Variants in VDR observed in about 807,000 individuals in gnomAD.
VDR encodes vitamin D receptor.
Under a neutral mutation model 39.7 loss-of-function variants are expected in VDR, and 19 were observed. The ratio of observed to expected loss-of-function variants is 0.48; its 90% CI spans 0.33 to 0.70. VDR has a LOEUF of 0.70. VDR is among the 30% of genes least tolerant of loss of function. The pLI, the probability that VDR is intolerant of heterozygous loss-of-function variation, is 0.02. For synonymous variants in VDR, 242 were observed against 215.8 expected (o/e 1.12, Z -1.07); for missense variants, 442 against 570.5 (o/e 0.77, Z 2.29).
intron 3 of VDR, among the ~76,000 whole-genome samples, chr12:47,871,326 C>CTTTCTTTCTTTCTT (rs1945865942): frequency 7.0e-6 from 1 of 143,822 alleles, no homozygotes; most frequent in Non-Finnish European, 1.5e-5. Flanking sequence ...TTCTTTCTTT[C>CTTTCTTTCTTTCTT]TTTCTTTCTT....
chr12:47,849,369 G>A (rs1945341168), intron 7 of VDR, among the ~76,000 whole-genome samples: 1 of 152,140 alleles, frequency 6.6e-6, no homozygotes, highest in Admixed American at 6.5e-5. Context: ...CATAACCTCT[G>A]CAGGACTCTC....
At chr12:47,879,768 C>G (rs373664977) in intron 2 of VDR, among the ~76,000 whole-genome samples, 12 of 152,326 alleles carry the variant, frequency 7.9e-5, no homozygotes, top group South Asian at 4.1e-4. Context: ...ATTTCCCCCC[C>G]CTTTTTTTGG....
chr12:47,884,302 T>C (rs1447398076), intron 1 of VDR, among the ~76,000 whole-genome samples: 2 of 152,196 alleles, frequency 1.3e-5, no homozygotes, highest in Non-Finnish European at 2.9e-5. Flanking sequence ...AAGCTCTGCA[T>C]ACATTATTTC....
chr12:47,876,850 A>G (rs1946018069), intron 3 of VDR, among the ~76,000 whole-genome samples: 2 of 152,186 alleles, frequency 1.3e-5, no homozygotes, highest in Admixed American at 6.5e-5. Flanking sequence ...CCAGTGAGGA[A>G]CTGGCCTCCA....
At chr12:47,887,322 C>CAAAAAAAAAAAAAA (rs10686139) in intron 1 of VDR, among the ~76,000 whole-genome samples, 1 of 72,106 alleles carries the variant, frequency 1.4e-5, no homozygotes, top group Non-Finnish European at 2.5e-5. Flanking sequence ...AACTCCGTCT[C>CAAAAAAAAAAAAAA]AAAAAAAAAA....
rs1162881183 is a variant in VDR, at chr12:47,848,555, C to CTTTTTTTTTT, written c.756-1757_756-1748dup. The stretch of plus-strand genomic sequence containing the variant: ...CTCTTTACATGCTTGTTTTCTACTC[C>CTTTTTTTTTT]TTTTTTTTTTTTTTTTTTTTTTTTT... On this transcript the variant is annotated intron_variant, in intron 7 of 9. Transcript: ENST00000549336. Among the ~76,000 whole-genome samples the CTTTTTTTTTT allele has an allele frequency of 2.4e-4, 14 of 58,162 alleles. 2 individuals carry two copies. The highest frequency in any genetic ancestry group is 3.1e-4 in the African/African-American group (4 of 12,776). The allele number at this position is 58,162 out of a possible 152,430, so 38.2% of individuals were successfully genotyped here.
At chr12:47,876,015 T>C (rs7974353) in intron 3 of VDR, among the ~76,000 whole-genome samples, 128,505 of 152,138 alleles carry the variant, frequency 0.84, 54,437 homozygotes, top group East Asian at 0.97. Context: ...AAGTCACCAA[T>C]AAAAATCAAA....
At chr12:47,899,524 C>A (rs1186431512) in intron 1 of VDR, among the ~76,000 whole-genome samples, 2 of 152,250 alleles carry the variant, frequency 1.3e-5, no homozygotes, top group Non-Finnish European at 2.9e-5. Context: ...AAGATTTGAA[C>A]CCAAGAGTCT....
At chr12:47,903,621 C>T (rs1216233643) in intron 1 of VDR, among the ~76,000 whole-genome samples, 1 of 152,218 alleles carries the variant, frequency 6.6e-6, no homozygotes, top group Non-Finnish European at 1.5e-5. Context: ...CACCCTCACT[C>T]CCTAGCCTGA....
rs371705410 is a variant in VDR, at chr12:47,846,763, G to A, written c.801C>T (p.Ala267=). 2.5e-6 allele frequency: 4 copies of A among 1,614,090 alleles called. No individual in the cohort carries two copies. Among genetic ancestry groups the A allele is most frequent in the Non-Finnish European group, 3.4e-6 (4 of 1,180,048 alleles). Residue 267 remains alanine (A), a synonymous_variant, in exon 8 of 10, where the codon GCC becomes GCT. Transcript: ENST00000549336. ...TGGAGCGCAACATGATGACCTCAAT[G>A]GCACTTGACTTCAGCAGTACGATCT... is the stretch of plus-strand genomic sequence containing the variant. The part of the protein sequence containing the change: ...EDQIVLLKSS[A]IEVIMLRSNE...
chr12:47,896,942 C>G (rs908996041), intron 1 of VDR: 1 of 152,290 alleles, frequency 6.6e-6, no homozygotes, highest in Non-Finnish European at 1.5e-5. Flanking sequence ...CCCATTCACC[C>G]TCGTACCACC....
At chr12:47,901,999 G>C (rs985227029) in intron 1 of VDR, among the ~76,000 whole-genome samples, 7 of 152,160 alleles carry the variant, frequency 4.6e-5, no homozygotes, top group African/African-American at 1.7e-4. Context: ...CTAGGGTGTC[G>C]GGGGCTGTCC....
At chr12:47,883,150 C>T (rs1162223170) in intron 1 of VDR, among the ~76,000 whole-genome samples, 4 of 152,204 alleles carry the variant, frequency 2.6e-5, no homozygotes, top group Admixed American at 2.0e-4. Context: ...CTCACTACCC[C>T]CTCCATCTCC....
At chr12:47,874,929 C>G (rs1304126668) in intron 3 of VDR, among the ~76,000 whole-genome samples, 1 of 152,172 alleles carries the variant, frequency 6.6e-6, no homozygotes, top group Admixed American at 6.5e-5. Flanking sequence ...CTTACTTATG[C>G]TTTAGTTGTT....
At chr12:47,853,755 C>A (rs937503367) in intron 7 of VDR, among the ~76,000 whole-genome samples, 1 of 150,964 alleles carries the variant, frequency 6.6e-6, no homozygotes, top group African/African-American at 2.4e-5. Context: ...AACTCTGTCT[C>A]AAAAAAAATA....
chr12:47,863,983 T>C (rs2239179), intron 4 of VDR, among the ~76,000 whole-genome samples: 58,681 of 151,964 alleles, frequency 0.39, 11,558 homozygotes, highest in South Asian at 0.47. Flanking sequence ...CCTCTCCCCA[T>C]CCCCAACCAC....
chr12:47,872,647 C>T (rs1355161908), intron 3 of VDR, among the ~76,000 whole-genome samples: 1 of 152,218 alleles, frequency 6.6e-6, no homozygotes, highest in Admixed American at 6.5e-5. Flanking sequence ...CGACATGAAG[C>T]TCTCTCAGAG....
rs745379948 is a variant in VDR at position 47,857,641 on chromosome 12, T to G, written c.325A>C (p.Lys109Gln). The change falls in exon 5 of 10, where the codon AAG (lysine) becomes CAG (glutamine). Residue 109 changes from lysine to glutamine, a missense_variant. By Grantham distance (53) the Lys-to-Gln change is moderately conservative. This residue lies in a region of VDR where 46 missense variants were observed against 82.0 expected (regional missense o/e 0.56). Coordinates refer to ENST00000549336, the MANE Select transcript of VDR (RefSeq NM_000376.3). ...TTCAAGGCCTCCTCCTCCTTCCGCT[T>G]CAGGATCATCTCCCGCTTCCTCTGC... is the stretch of plus-strand genomic sequence containing the variant. Reference protein sequence around the residue: ...EVQRKREMILKRKEEEALKDS... With the variant: ...EVQRKREMILQRKEEEALKDS... 6.2e-7 allele frequency: 1 copy of G among 1,614,198 alleles called. No individual in the cohort carries two copies. The highest frequency in any genetic ancestry group is 8.5e-7 in the Non-Finnish European group (1 of 1,180,044).
chr12:47,851,706 C>CCAGTGGTGCTGGA (rs1341206784), intron 7 of VDR, among the ~76,000 whole-genome samples: 1 of 152,262 alleles, frequency 6.6e-6, no homozygotes, highest in Non-Finnish European at 1.5e-5. Flanking sequence ...TCACCTCTGT[C>CCAGTGGTGCTGGA]CAGTCACAGA....
Sources: allele counts gnomAD v4.1 joint callset (sites outside exome capture counted in the v4.1 genomes callset), GRCh38; gene constraint gnomAD v4.1.1; regional missense constraint gnomAD v4.1.1; transcripts MANE v1.5; gene names NCBI Gene and HGNC (gene_info 2026-07-23, HGNC 2026-07-21).